LMCD1: variants seen among roughly 807,000 people sequenced by gnomAD.
LMCD1 encodes the protein LIM and cysteine rich domains 1.
A neutral mutation model predicts 42.7 loss-of-function variants in LMCD1; 32 were observed. That is an observed-to-expected ratio of 0.75 (90% CI 0.57 to 1.01). The LOEUF is 1.01. Ranked by LOEUF, LMCD1 falls within the 50% of genes least tolerant of loss-of-function variation. LMCD1 has a pLI of 0.00. For synonymous variants in LMCD1, 178 were observed against 184.9 expected (o/e 0.96, Z 0.30); for missense variants, 458 against 483.1 (o/e 0.95, Z 0.49).
In LMCD1 at chr3:8,569,430, A is replaced by G. The variant is rs1296888301; in HGVS notation, c.*1832A>G. On this transcript the variant is annotated 3_prime_UTR_variant, in exon 6 of 6. Transcript: ENST00000157600. The stretch of plus-strand genomic sequence containing the variant: ...TCATCATTCATTCATCCATTCCACA[A>G]GTATTTCAGTGAGCACGGCAAAGTT... 6.6e-6 allele frequency: 1 copy of G among 152,158 alleles called. No individual in the cohort carries two copies. The highest frequency in any genetic ancestry group is 1.5e-5 in the Non-Finnish European group (1 of 68,034). 9.4% of individuals were successfully genotyped at this position (152,158 alleles called of 1,614,324 possible).
At chr3:8,504,788 C>T (rs774070640) in intron 1 of LMCD1, among the ~76,000 whole-genome samples, 1 of 152,290 alleles carries the variant, frequency 6.6e-6, no homozygotes, top group Admixed American at 6.5e-5. Context: ...AAATCGCCAA[C>T]ATTTCTTGGT....
intron 2 of LMCD1, among the ~76,000 whole-genome samples, chr3:8,534,109 A>G (rs1694465219): frequency 6.6e-6 from 1 of 151,884 alleles, no homozygotes; most frequent in African/African-American, 2.4e-5. Context: ...CTGGTCCTGA[A>G]TCTCAGGACA....
chr3:8,562,103 C>T (rs1034653439), intron 4 of LMCD1, among the ~76,000 whole-genome samples: 2 of 152,178 alleles, frequency 1.3e-5, no homozygotes, highest in African/African-American at 4.8e-5. Flanking sequence ...CTCCCAGGCA[C>T]ACTCACCCTC....
intron 1 of LMCD1, among the ~76,000 whole-genome samples, chr3:8,529,259 A>G (rs1025968484): frequency 6.6e-6 from 1 of 152,190 alleles, no homozygotes; most frequent in African/African-American, 2.4e-5. Context: ...CAGTGGACAA[A>G]TGACTATTTA....
intron 1 of LMCD1, among the ~76,000 whole-genome samples, chr3:8,524,900 G>A (rs149057024): frequency 5.3e-4 from 81 of 151,982 alleles, no homozygotes; most frequent in African/African-American, 1.9e-3. Flanking sequence ...GCCCAGACTG[G>A]TCTCAAACTC....
At chr3:8,565,153 A>G (rs1027327) in intron 4 of LMCD1, among the ~76,000 whole-genome samples, 20,890 of 152,158 alleles carry the variant, frequency 0.14, 1,718 homozygotes, top group East Asian at 0.33. Context: ...AAAACTCTGT[A>G]GGGGTCTTGA....
Position 8,529,309 on chromosome 3 carries a change from G to A in LMCD1, c.43-3428G>A, listed in dbSNP as rs115291700. 5.4e-3 allele frequency among the ~76,000 whole-genome samples: 818 copies of A among 152,282 alleles called. 6 individuals carry two copies. Among genetic ancestry groups the A allele is most frequent in the African/African-American group, 0.018 (768 of 41,546 alleles). On this transcript the variant is annotated intron_variant, in intron 1 of 5. Coordinates refer to ENST00000157600, the MANE Select transcript of LMCD1 (RefSeq NM_014583.4). ...CAGCCAGGAAACTAGCTGCAAGTGTGGCCTGATGACCTGAATCAATTTCTT... is the reference window on the plus strand; with the variant it reads ...CAGCCAGGAAACTAGCTGCAAGTGTAGCCTGATGACCTGAATCAATTTCTT...
chr3:8,566,410 T>C (rs532577732), intron 5 of LMCD1, among the ~76,000 whole-genome samples: 21 of 152,324 alleles, frequency 1.4e-4, no homozygotes, highest in African/African-American at 5.1e-4. Flanking sequence ...TGAACCAACA[T>C]CTATTTTCTA....
chr3:8,509,267 G>A (rs992352925), intron 1 of LMCD1, among the ~76,000 whole-genome samples: 1 of 152,158 alleles, frequency 6.6e-6, no homozygotes, highest in Non-Finnish European at 1.5e-5. Context: ...GGGCTTCTAA[G>A]CTCTCAGACT....
intron 4 of LMCD1, among the ~76,000 whole-genome samples, chr3:8,553,847 AC>A (rs1354688421): frequency 6.6e-6 from 1 of 152,158 alleles, no homozygotes; most frequent in East Asian, 1.9e-4. Flanking sequence ...ATGCTACTGC[AC>A]CCACTGTCAC....
rs1399904700 is a variant in LMCD1, at chr3:8,568,435, T to C, written c.*837T>C. On this transcript the variant is annotated 3_prime_UTR_variant, in exon 6 of 6. Transcript: ENST00000157600. ...CAGGAAAATAGCGAATGAACCCCTC[T>C]GGGAATAAGACCAGTACTGGGAAAC... The C allele has an allele frequency of 6.6e-6, 1 of 152,178 alleles. No individual in the cohort carries two copies. Among genetic ancestry groups the C allele is most frequent in the Admixed American group, 6.5e-5 (1 of 15,282 alleles). 9.4% of individuals were successfully genotyped at this position (152,178 alleles called of 1,614,324 possible). A position where few individuals can be genotyped will look rare whatever the true frequency, so the allele number is the denominator to read the frequency against.
intron 1 of LMCD1, among the ~76,000 whole-genome samples, chr3:8,502,850 G>A (rs561257910): frequency 1.1e-3 from 169 of 152,246 alleles, no homozygotes; most frequent in African/African-American, 4.0e-3. Context: ...ACATGTGAAC[G>A]GGAAGGGAAC....
chr3:8,541,405 C>T (rs563733590), intron 3 of LMCD1, among the ~76,000 whole-genome samples: 13 of 152,110 alleles, frequency 8.5e-5, no homozygotes, highest in African/African-American at 2.9e-4. Context: ...AAAAATTAGC[C>T]GGGTGTGGTA....
chr3:8,549,179 G>A (rs1295119359), intron 4 of LMCD1, among the ~76,000 whole-genome samples: 1 of 152,166 alleles, frequency 6.6e-6, no homozygotes, highest in Non-Finnish European at 1.5e-5. Flanking sequence ...TTGGTGGTGA[G>A]GGTAAGCTTC....
chr3:8,535,761 G>T (rs1024280257), intron 2 of LMCD1, among the ~76,000 whole-genome samples: 3 of 152,138 alleles, frequency 2.0e-5, no homozygotes, highest in Non-Finnish European at 1.5e-5. Flanking sequence ...CCAACTGTAA[G>T]CTCCTTAAAG....
chr3:8,557,265 TACATGAGGC>T, intron 4 of LMCD1, among the ~76,000 whole-genome samples: 1 of 152,300 alleles, frequency 6.6e-6, no homozygotes, highest in African/African-American at 2.4e-5. Flanking sequence ...ACCTCTGGGA[TACATGAGGC>T]TGCAAAGCAA....
At chr3:8,566,332 T>A (rs1033502426) in intron 5 of LMCD1, among the ~76,000 whole-genome samples, 4 of 152,246 alleles carry the variant, frequency 2.6e-5, no homozygotes, top group African/African-American at 7.2e-5. Context: ...TTTGCATGCC[T>A]TTGGTTGCAG....
rs1436042113 is a variant in LMCD1, at chr3:8,572,923, T to A, written c.*5325T>A. On this transcript the variant is annotated 3_prime_UTR_variant, in exon 6 of 6. Coordinates refer to ENST00000157600, the MANE Select transcript of LMCD1 (RefSeq NM_014583.4). Reference sequence around the variant, plus strand: ...TGTTGTGTTGGAACTCCTGGTACCATCTTAGAACCTTAAGGAGACAAGCGA... The same window carrying A: ...TGTTGTGTTGGAACTCCTGGTACCAACTTAGAACCTTAAGGAGACAAGCGA... 1.3e-5 allele frequency: 2 copies of A among 152,182 alleles called. No homozygotes were observed. The highest frequency in any genetic ancestry group is 6.5e-5 in the Admixed American group (1 of 15,278). 9.4% of individuals were successfully genotyped at this position (152,182 alleles called of 1,614,324 possible). A position where few individuals can be genotyped will look rare whatever the true frequency, so the allele number is the denominator to read the frequency against.
At chr3:8,547,362 AC>A (rs1166806219) in intron 3 of LMCD1, among the ~76,000 whole-genome samples, 1 of 152,212 alleles carries the variant, frequency 6.6e-6, no homozygotes, top group Non-Finnish European at 1.5e-5. Context: ...ATTAAGTACA[AC>A]CCTACTTGTT....
Sources: gnomAD v4.1 joint callset for allele counts (sites outside exome capture counted in the v4.1 genomes callset) on GRCh38, gnomAD v4.1.1 for gene constraint, MANE v1.5 for transcripts, NCBI Gene and HGNC (gene_info 2026-07-23, HGNC 2026-07-21) for gene names.